EVC2: variants seen among roughly 807,000 people sequenced by gnomAD.
The protein encoded by EVC2 is EvC ciliary complex subunit 2, also known as limbin.
Under a neutral mutation model 149.3 loss-of-function variants are expected in EVC2, and 148 were observed. The ratio of observed to expected loss-of-function variants is 0.99; its 90% CI spans 0.87 to 1.14. The LOEUF is 1.14. Ranked by LOEUF, EVC2 falls within the 50% of genes most tolerant of loss-of-function variation. The pLI is 0.00. For missense variants in EVC2, 1,854 were observed against 1,627.3 expected, an observed-to-expected ratio of 1.14 and a Z score of -2.40; for synonymous variants, 776 against 649.9, an observed-to-expected ratio of 1.19 and a Z score of -2.95.
chr4:5,598,329 C>T (rs1462322200), intron 16 of EVC2, among the ~76,000 whole-genome samples: 2 of 151,364 alleles, frequency 1.3e-5, no homozygotes, highest in South Asian at 2.1e-4. Flanking sequence ...TACTACAAGG[C>T]TACAGTAACC....
the EVC2 span, among the ~76,000 whole-genome samples, chr4:5,531,624 T>C: frequency 5.5e-3 from 833 of 152,196 alleles, 6 homozygotes; most frequent in African/African-American, 0.019. Flanking sequence ...GAACTGCACA[T>C]GCGAGGGATC....
chr4:5,700,924 C>T (rs950029516), intron 1 of EVC2, among the ~76,000 whole-genome samples: 1 of 152,252 alleles, frequency 6.6e-6, no homozygotes, highest in Non-Finnish European at 1.5e-5. Context: ...CCCGTGGCTG[C>T]TGTACACATC....
rs192972428 is a variant in EVC2 at position 5,627,133 on chromosome 4, C to T, written c.1887-1225G>A. On this transcript the variant is annotated intron_variant, in intron 12 of 21. Transcript: ENST00000344408. ...GTACACTCTGCTACCAGCATTACCA[C>T]TATCATTCCTAGACTGCCTGCATCC... 3.9e-5 allele frequency among the ~76,000 whole-genome samples: 6 copies of T among 152,346 alleles called. No homozygotes were observed. In the East Asian group the frequency reaches 1.2e-3, roughly 29 times the overall value.
At chr4:5,561,557 G>C (rs187213690), downstream of EVC2, among the ~76,000 whole-genome samples, 5 of 152,326 alleles carry the variant, frequency 3.3e-5, no homozygotes, top group African/African-American at 7.2e-5. Context: ...GAAGGTACTT[G>C]TTGGGGTGCT....
intron 2 of EVC2, 56 bp downstream of exon 2, chr4:5,697,537 G>C: frequency 6.4e-7 from 1 of 1,572,214 alleles, no homozygotes; most frequent in Admixed American, 1.7e-5. Context: ...GAGGGCTTCA[G>C]GCTTCTGGTT....
intron 9 of EVC2, among the ~76,000 whole-genome samples, chr4:5,651,120 C>A (rs911684304): frequency 6.6e-6 from 1 of 151,480 alleles, no homozygotes; most frequent in East Asian, 1.9e-4. Context: ...AGACGACAGA[C>A]GGAGGGATAG....
chr4:5,622,142 C>G lies in EVC2; in HGVS notation c.2501+395G>C, dbSNP rs991770854. 3.9e-5 allele frequency among the ~76,000 whole-genome samples: 6 copies of G among 152,088 alleles called. No homozygotes were observed. The highest frequency in any genetic ancestry group is 7.2e-5 in the African/African-American group (3 of 41,434). ...GCAAGCTCCCCTTCCCCCTCTGCTCCTGTGGATCATGTCCCCTCCCCAGGG... is the reference window on the plus strand; with the variant it reads ...GCAAGCTCCCCTTCCCCCTCTGCTCGTGTGGATCATGTCCCCTCCCCAGGG... On this transcript the variant is annotated intron_variant, in intron 14 of 21. Transcript: ENST00000344408. The surrounding 1 kb of genome is among the most constrained non-coding windows in gnomAD (Gnocchi z 5.8).
the EVC2 span, among the ~76,000 whole-genome samples, chr4:5,535,079 G>A: frequency 1.6e-4 from 24 of 152,118 alleles, no homozygotes; most frequent in Admixed American, 1.0e-3. This position sits in a 1 kb window ranked among gnomAD's most constrained non-coding sequence, Gnocchi z 4.7. Flanking sequence ...TTAAAGACCC[G>A]CCACCCCCAG....
At chr4:5,574,635 A>G (rs1300511314) in intron 19 of EVC2, 50 bp downstream of exon 19, 2 of 1,552,726 alleles carry the variant, frequency 1.3e-6, no homozygotes, top group Non-Finnish European at 1.8e-6. Flanking sequence ...AAAAAGATGA[A>G]GTGACGTGCT....
chr4:5,655,102 C>T (rs1718428288), intron 9 of EVC2, among the ~76,000 whole-genome samples: 1 of 152,182 alleles, frequency 6.6e-6, no homozygotes, highest in South Asian at 2.1e-4. Context: ...TGCTGGAAGA[C>T]GACAGCGAGA....
At position 5,696,921 on chromosome 4, in the gene EVC2, G is replaced by A. The variant is rs867316819; in HGVS notation, c.283+672C>T. On this transcript the variant is annotated intron_variant, in intron 2 of 21. Transcript: ENST00000344408. The surrounding 1 kb of genome is among the most constrained non-coding windows in gnomAD (Gnocchi z 4.1). ...CAAATGTGATTCCATTAAGGGCTTCGAGATGGGGAGATTGCCTGGATTATC... is the reference window on the plus strand; with the variant it reads ...CAAATGTGATTCCATTAAGGGCTTCAAGATGGGGAGATTGCCTGGATTATC... 1.2e-4 allele frequency among the ~76,000 whole-genome samples: 18 copies of A among 152,322 alleles called. No individual in the cohort carries two copies. The highest frequency in any genetic ancestry group is 5.2e-4 in the Admixed American group (8 of 15,300).
At position 5,686,903 on chromosome 4, in the gene EVC2, C is replaced by G. The variant is rs538194260; in HGVS notation, c.707-1424G>C. Among the ~76,000 whole-genome samples the G allele has an allele frequency of 6.6e-6, 1 of 152,126 alleles. No individual in the cohort carries two copies. The highest frequency in any genetic ancestry group is 2.1e-4 in the South Asian group (1 of 4,812). On this transcript the variant is annotated intron_variant, in intron 5 of 21. Transcript: ENST00000344408. The surrounding 1 kb of genome is among the most constrained non-coding windows in gnomAD (Gnocchi z 5.4). ...ACACTGCCCTCAGGGAATGTAGAGC[C>G]CAGTAGGTAGAGCTAAGCATGGGCA...
chr4:5,627,222 C>A (rs947123937), intron 12 of EVC2, among the ~76,000 whole-genome samples: 3 of 152,114 alleles, frequency 2.0e-5, no homozygotes, highest in African/African-American at 7.2e-5. Flanking sequence ...AAGGAAGGAA[C>A]AGGTGAAGGA....
upstream of EVC2, chr4:5,708,602 G>A: frequency 2.0e-6 from 2 of 993,954 alleles, no homozygotes; most frequent in Non-Finnish European, 2.7e-6. Context: ...CGCCGAGCAT[G>A]CTCAGTGCGA....
At chr4:5,688,724 G>A (rs76732144) in intron 5 of EVC2, among the ~76,000 whole-genome samples, 6,307 of 152,164 alleles carry the variant, frequency 0.041, 166 homozygotes, top group East Asian at 0.12. Flanking sequence ...ACATGCTACT[G>A]AGACGGATGT....
intron 10 of EVC2, 151 bp from the exon 11 acceptor site, chr4:5,632,183 CATGCGCATGCAGTGTG>C: frequency 7.4e-6 from 8 of 1,087,394 alleles, no homozygotes; most frequent in African/African-American, 1.6e-5. Flanking sequence ...TATATACACA[CATGCGCATGCAGTGTG>C]TGCATGCACA....
chr4:5,600,674 A>G (rs1319339201), intron 16 of EVC2, among the ~76,000 whole-genome samples: 1 of 152,256 alleles, frequency 6.6e-6, no homozygotes, highest in Non-Finnish European at 1.5e-5. Flanking sequence ...AAGAAGCAAC[A>G]TAATTTAAAC....
intron 20 of EVC2, 64 bp downstream of exon 20, chr4:5,568,364 CCTCCCATGACCTTGAG>C (rs1722425914): frequency 7.4e-7 from 1 of 1,352,248 alleles, no homozygotes; most frequent in African/African-American, 1.5e-5. Flanking sequence ...AATACATGGG[CCTCCCATGACCTTGAG>C]GACTCATGGG....
Position 5,565,249 on chromosome 4 carries a change from C to T in EVC2, c.3659+9G>A. On this transcript the variant is annotated intron_variant, in intron 21 of 21. Transcript: ENST00000344408. ...CTCCCCAGCCACATGAGCAGGTGCC[C>T]ATCATTACCTCTGCTTTCTCTTGCG... The T allele has an allele frequency of 6.2e-7, 1 of 1,612,986 alleles. No individual in the cohort carries two copies. Among genetic ancestry groups the T allele is most frequent in the Non-Finnish European group, 8.5e-7 (1 of 1,179,182 alleles).
Sources: gnomAD v4.1 joint callset for allele counts (sites outside exome capture counted in the v4.1 genomes callset) on GRCh38, gnomAD v4.1.1 for gene constraint, Gnocchi (gnomAD v3.1) non-coding constraint, MANE v1.5 for transcripts, NCBI Gene and HGNC (gene_info 2026-07-23, HGNC 2026-07-21) for gene names.